The following SORBS2 variants were observed in gnomAD, a reference collection of about 807,000 sequenced individuals.
The protein encoded by SORBS2 is sorbin and SH3 domain-containing protein 2.
A neutral mutation model predicts 97.7 loss-of-function variants in SORBS2; 46 were observed. That is an observed-to-expected ratio of 0.47 (90% CI 0.37 to 0.60). The LOEUF (loss-of-function observed/expected upper bound fraction) is 0.60, where lower values mean the gene tolerates loss of function less well. Ranked by LOEUF, SORBS2 falls within the 20% of genes least tolerant of loss-of-function variation. The pLI is 0.00. For missense variants in SORBS2, 1,316 were observed against 1,282.3 expected (o/e 1.03, Z -0.40); for synonymous variants, 476 against 473.4 (o/e 1.01, Z -0.07).
chr4:185,642,082 T>C (rs1024770494), intron 4 of SORBS2, among the ~76,000 whole-genome samples: 2 of 152,182 alleles, frequency 1.3e-5, no homozygotes, highest in African/African-American at 4.8e-5. Context: ...TTAATGACAT[T>C]GACTACCGTG....
chr4:185,767,200 T>C (rs1245433363), intron 2 of SORBS2, among the ~76,000 whole-genome samples: 2 of 152,098 alleles, frequency 1.3e-5, no homozygotes, highest in African/African-American at 2.4e-5. Flanking sequence ...TCTTGTTTTA[T>C]TGAAAATGAA....
At chr4:185,727,189 A>G (rs1022560145) in intron 2 of SORBS2, among the ~76,000 whole-genome samples, 2 of 152,202 alleles carry the variant, frequency 1.3e-5, no homozygotes, top group East Asian at 3.8e-4. Context: ...TTCAACCTAC[A>G]TTGATGTGAT....
chr4:185,701,483 T>G (rs1049859406), intron 2 of SORBS2, among the ~76,000 whole-genome samples: 1 of 152,158 alleles, frequency 6.6e-6, no homozygotes, highest in Non-Finnish European at 1.5e-5. Context: ...TCATTTCCAT[T>G]TCTTCTTTTA....
At chr4:185,819,196 A>G (rs1357100960) in intron 1 of SORBS2, among the ~76,000 whole-genome samples, 1 of 152,232 alleles carries the variant, frequency 6.6e-6, no homozygotes, top group Non-Finnish European at 1.5e-5. Context: ...TTGAGAAATA[A>G]GGAGTTCTAG....
chr4:185,594,298 A>T (rs2096032136), intron 12 of SORBS2, among the ~76,000 whole-genome samples: 1 of 152,220 alleles, frequency 6.6e-6, no homozygotes, highest in Non-Finnish European at 1.5e-5. Flanking sequence ...ATACAACCTT[A>T]TTCTCCAGCG....
intron 1 of SORBS2, among the ~76,000 whole-genome samples, chr4:185,840,454 C>G (rs1435069123): frequency 1.3e-5 from 2 of 152,150 alleles, no homozygotes. Flanking sequence ...CATAGCTGAT[C>G]CATGACCCTG....
At chr4:185,827,228 TCATCATCACCATCAC>T (rs2099200962) in intron 1 of SORBS2, among the ~76,000 whole-genome samples, 3 of 104,694 alleles carry the variant, frequency 2.9e-5, no homozygotes, top group African/African-American at 4.2e-5. Flanking sequence ...ATCACCATCA[TCATCATCACCATCAC>T]CACCATCATC....
intron 1 of SORBS2, among the ~76,000 whole-genome samples, chr4:185,883,673 TCAA>T (rs111446239): frequency 5.6e-4 from 86 of 152,252 alleles, no homozygotes; most frequent in African/African-American, 2.1e-3. Context: ...ATAGTATTCA[TCAA>T]CAACAACAAA....
chr4:185,790,182 G>T (rs920783277), intron 1 of SORBS2, among the ~76,000 whole-genome samples: 1 of 151,502 alleles, frequency 6.6e-6, no homozygotes, highest in Non-Finnish European at 1.5e-5. Flanking sequence ...AGTCATCTGC[G>T]CACAACACAT....
At position 185,606,547 on chromosome 4, in the gene SORBS2, C is replaced by G. The variant is rs1233923404; in HGVS notation, c.2796+5233G>C. ...ACTCTAATAGCTAATCATGGTAAGG[C>G]CGGTTAGTTCTTCCATAATCAGACA... On this transcript the variant is annotated intron_variant, in intron 12 of 14. Transcript: ENST00000418609. This position sits in a 1 kb window ranked among gnomAD's most constrained non-coding sequence, Gnocchi z 4.3. The G allele has an allele frequency of 2.0e-6, 2 of 984,954 alleles. No individual in the cohort carries two copies. The highest frequency in any genetic ancestry group is 9.4e-5 in the South Asian group (2 of 21,278). The allele number at this position is 984,954 out of a possible 1,614,324, so 61.0% of individuals were successfully genotyped here. A position where few individuals can be genotyped will look rare whatever the true frequency, so the allele number is the denominator to read the frequency against.
At chr4:185,649,731 C>T (rs2097279141) in intron 2 of SORBS2, 75 bp from the exon 12 acceptor site, 2 of 1,025,242 alleles carry the variant, frequency 2.0e-6, no homozygotes, top group South Asian at 3.7e-5. Flanking sequence ...AATTATTTGT[C>T]CCCCTCAAAA....
chr4:185,650,439 C>A lies in SORBS2; in HGVS notation c.92-783G>T, dbSNP rs1047265688. Reference sequence around the variant, plus strand: ...GCAAGGTGTGAAGCCATGGCTTGCACGGTTAGTAGAGAGCAAAGAGACTAG... The same window carrying A: ...GCAAGGTGTGAAGCCATGGCTTGCAAGGTTAGTAGAGAGCAAAGAGACTAG... On this transcript the variant is annotated intron_variant, in intron 2 of 14. Transcript: ENST00000418609. Among the ~76,000 whole-genome samples the A allele has an allele frequency of 2.0e-5, 3 of 152,122 alleles. No homozygotes were observed. In the East Asian group the frequency reaches 5.8e-4, roughly 29 times the overall value.
intron 1 of SORBS2, among the ~76,000 whole-genome samples, chr4:185,936,139 G>A (rs1387883039): frequency 2.0e-5 from 3 of 152,230 alleles, no homozygotes; most frequent in Admixed American, 6.5e-5. Context: ...GATGACAGGC[G>A]TGAGCCATTG....
chr4:185,656,953 C>T lies in SORBS2; in HGVS notation c.-315G>A, dbSNP rs73013603. ...ACTCTCTTCACTCCAATCATCTCAC[C>T]TCCCAACTCCCAAATCACAGCTTCC... On this transcript the variant is annotated 5_prime_UTR_variant, in exon 1 of 15. Coordinates refer to ENST00000418609, the Ensembl canonical transcript of SORBS2. 5,920 of 1,138,610 alleles carry T rather than the reference C, an allele frequency of 5.2e-3. 262 individuals carry two copies. In the African/African-American group the frequency reaches 0.09, roughly 17 times the overall value. The allele number at this position is 1,138,610 out of a possible 1,614,324, so 70.5% of individuals were successfully genotyped here. A position where few individuals can be genotyped will look rare whatever the true frequency, so the allele number is the denominator to read the frequency against.
intron 1 of SORBS2, among the ~76,000 whole-genome samples, chr4:185,909,986 A>G (rs1314667378): frequency 7.6e-5 from 1 of 13,140 alleles, no homozygotes; most frequent in African/African-American, 2.2e-4. Flanking sequence ...TCCATCTCAG[A>G]AAAAAAAAAA....
chr4:185,762,480 T>C (rs981711786), intron 2 of SORBS2, among the ~76,000 whole-genome samples: 7 of 151,592 alleles, frequency 4.6e-5, no homozygotes, highest in Admixed American at 2.0e-4. Flanking sequence ...AGGGAGTAAC[T>C]TTAAGGTTGG....
chr4:185,669,890 A>G (rs945661672), intron 4 of SORBS2, among the ~76,000 whole-genome samples: 1 of 152,194 alleles, frequency 6.6e-6, no homozygotes, highest in African/African-American at 2.4e-5. Flanking sequence ...ACTGATGGCC[A>G]TCTTAAATAA....
chr4:185,813,070 G>C (rs1260972418), intron 1 of SORBS2: 4 of 152,180 alleles, frequency 2.6e-5, no homozygotes, highest in African/African-American at 9.7e-5. Context: ...ATCTTCTGCA[G>C]AACCCCCAGG....
intron 2 of SORBS2, among the ~76,000 whole-genome samples, chr4:185,717,926 C>T (rs1479734629): frequency 6.6e-6 from 1 of 152,178 alleles, no homozygotes; most frequent in Non-Finnish European, 1.5e-5. Flanking sequence ...TTGATAGGAT[C>T]ACCGTGAGAA....
Sources: gnomAD v4.1 joint callset for allele counts (sites outside exome capture counted in the v4.1 genomes callset) on GRCh38, gnomAD v4.1.1 for gene constraint, Gnocchi (gnomAD v3.1) non-coding constraint, MANE v1.5 for transcripts, NCBI Gene and HGNC (gene_info 2026-07-23, HGNC 2026-07-21) for gene names.